The following STIL variants were observed in gnomAD, a reference collection of about 807,000 sequenced individuals.
STIL encodes SCL-interrupting locus protein.
STIL carries 55 observed loss-of-function variants against 110.1 expected under a neutral mutation model. The ratio of observed to expected loss-of-function variants is 0.50; its 90% CI spans 0.40 to 0.63. The LOEUF is 0.63. STIL is among the 20% of genes least tolerant of loss of function. STIL has a pLI of 0.00. For missense variants in STIL, 1,358 were observed against 1,530.0 expected (o/e 0.89, Z 1.87); for synonymous variants, 481 against 530.0 (o/e 0.91, Z 1.27).
intron 7 of STIL, among the ~76,000 whole-genome samples, chr1:47,294,431 T>C (rs1412005741): frequency 6.6e-6 from 1 of 152,238 alleles, no homozygotes; most frequent in Admixed American, 6.5e-5. Context: ...TATAAATTTC[T>C]AAATATTCTG....
intron 2 of STIL, among the ~76,000 whole-genome samples, chr1:47,310,019 CTTTAG>C (rs1394579621): frequency 6.6e-6 from 1 of 152,108 alleles, no homozygotes; most frequent in Non-Finnish European, 1.5e-5. Context: ...ATACTAGACC[CTTTAG>C]TTTAGTAATC....
chr1:47,255,550 C>CAA (rs60137249), intron 16 of STIL, among the ~76,000 whole-genome samples: 48,742 of 123,174 alleles, frequency 0.4, 11,060 homozygotes, highest in Middle Eastern at 0.53. Flanking sequence ...CCCTGTCTCT[C>CAA]AAAAAAAAAA....
intron 14 of STIL, among the ~76,000 whole-genome samples, chr1:47,263,543 A>G (rs1005374430): frequency 3.3e-5 from 5 of 152,160 alleles, no homozygotes; most frequent in African/African-American, 9.7e-5. Context: ...CCCTATTTCT[A>G]TAAGAAACAA....
At chr1:47,287,939 A>C (rs1259125680) in intron 9 of STIL, among the ~76,000 whole-genome samples, 1 of 151,462 alleles carries the variant, frequency 6.6e-6, no homozygotes, top group Non-Finnish European at 1.5e-5. Context: ...ATTAGATCTC[A>C]GTTAAAATGA....
rs142123413 is a variant in STIL at position 47,311,905 on chromosome 1, G to A, written c.-43-1543C>T. On this transcript the variant is annotated intron_variant, in intron 1 of 16. Transcript: ENST00000371877. ...CTACTAAAAATACAAAAATTAGCTG[G>A]GCATGGTGGTGCACACCTGTAATCC... is the stretch of plus-strand genomic sequence containing the variant. Among the ~76,000 whole-genome samples the A allele has an allele frequency of 1.5e-3, 227 of 151,978 alleles. 1 individual carries two copies. The highest frequency in any genetic ancestry group is 5.2e-3 in the African/African-American group (217 of 41,434).
At chr1:47,288,133 T>C (rs1403215140) in intron 9 of STIL, among the ~76,000 whole-genome samples, 1 of 149,660 alleles carries the variant, frequency 6.7e-6, no homozygotes, top group East Asian at 1.9e-4. Context: ...TCAAAGAAGG[T>C]ACTAAATACG....
intron 14 of STIL, among the ~76,000 whole-genome samples, chr1:47,266,262 T>C (rs918955354): frequency 6.6e-6 from 1 of 152,258 alleles, no homozygotes. Flanking sequence ...GTCTTAACCA[T>C]TATTGTAATC....
chr1:47,258,146 G>A (rs1397821280), intron 16 of STIL, among the ~76,000 whole-genome samples: 2 of 152,186 alleles, frequency 1.3e-5, no homozygotes, highest in African/African-American at 2.4e-5. Flanking sequence ...GTGACAAGTT[G>A]GTTCTCAGTT....
chr1:47,307,435 T>A (rs1181204874), intron 2 of STIL, among the ~76,000 whole-genome samples: 1 of 152,228 alleles, frequency 6.6e-6, no homozygotes, highest in Non-Finnish European at 1.5e-5. Flanking sequence ...TTGTAATTTC[T>A]TATGCCTGTC....
rs1645416083 is a variant in STIL, at chr1:47,289,584, C to T, written c.874G>A (p.Val292Ile). Residue 292 changes from valine to isoleucine, a missense_variant and splice_region_variant, in exon 9 of 17, where the codon GTT becomes ATT. Transcript: ENST00000371877. ...ATGAAATTTCCAGATTCTGAAAAAA[C>T]CCTGCACAAAAAAAGTCATTTAATT... ...YIFNSSVQER[V>I]FSESGNFIIV... The T allele has an allele frequency of 1.9e-6, 3 of 1,612,806 alleles. No homozygotes were observed. Among genetic ancestry groups the T allele is most frequent in the Non-Finnish European group, 2.5e-6 (3 of 1,179,084 alleles).
intron 14 of STIL, among the ~76,000 whole-genome samples, chr1:47,268,702 G>C (rs562561267): frequency 1.1e-4 from 16 of 152,074 alleles, no homozygotes; most frequent in African/African-American, 3.9e-4. Flanking sequence ...GGATTGCAGT[G>C]AGTCAAGATC....
At chr1:47,303,971 C>T (rs1645879849) in intron 3 of STIL, among the ~76,000 whole-genome samples, 3 of 152,110 alleles carry the variant, frequency 2.0e-5, no homozygotes, top group African/African-American at 7.2e-5. Context: ...ATTCCAGGCA[C>T]TGTGACAATT....
chr1:47,260,414 A>G lies in STIL; in HGVS notation c.2955T>C (p.His985=), dbSNP rs373910001. 2.5e-6 allele frequency: 4 copies of G among 1,614,016 alleles called. No individual in the cohort carries two copies. The African/African-American group carries it at 5.3e-5, about 22-fold the overall frequency. ...QNVYHTKKKT[H]HSRLVDKDCV... is the part of the protein sequence containing the mutation. Reference sequence around the variant, plus strand: ...AATCTTTGTCCACCAGTCTTGAATGATGTGTTTTTTTCTTTGTATGGTAAA... The same window carrying G: ...AATCTTTGTCCACCAGTCTTGAATGGTGTGTTTTTTTCTTTGTATGGTAAA... The change falls in exon 16 of 17, where the codon CAT becomes CAC. Residue 985 remains histidine, a synonymous_variant. Transcript: ENST00000371877.
Position 47,262,970 on chromosome 1 carries a change from A to G in STIL, c.2762T>C (p.Ile921Thr), listed in dbSNP as rs1257886941. ...AAGCAAGGGTTGCATTACATGCTCA[A>G]TTTTTGGTTCCTCTGATGTTTCAGA... Reference protein sequence around the residue: ...NNSETSEEPKIEHVMQPLLHQ... With the variant: ...NNSETSEEPKTEHVMQPLLHQ... Residue 921 changes from isoleucine to threonine, a missense_variant, in exon 15 of 17, where the codon ATT becomes ACT. Transcript: ENST00000371877. 1 of 1,614,152 alleles carries G rather than the reference A, an allele frequency of 6.2e-7. No individual in the cohort carries two copies. Among genetic ancestry groups the G allele is most frequent in the African/African-American group, 1.3e-5 (1 of 75,034 alleles).
chr1:47,257,104 T>C (rs1644351902), intron 16 of STIL, among the ~76,000 whole-genome samples: 1 of 152,030 alleles, frequency 6.6e-6, no homozygotes, highest in South Asian at 2.1e-4. Flanking sequence ...GCACCTCAGA[T>C]AAAAGTAACA....
rs1342973663 is a variant in STIL, at chr1:47,300,297, C to T, written c.454-145G>A. The T allele has an allele frequency of 7.2e-6, 6 of 829,008 alleles. No homozygotes were observed. In the Admixed American group the frequency reaches 9.0e-5, roughly 12 times the overall value. The allele number at this position is 829,008 out of a possible 1,614,324, so 51.4% of individuals were successfully genotyped here. On this transcript the variant is annotated intron_variant, in intron 5 of 16. Transcript: ENST00000371877. ...TTCTGATTTACAGCATTTCAGTTCTCGTTTATTCCATGTGACCAAAAGATT... is the reference window on the plus strand; with the variant it reads ...TTCTGATTTACAGCATTTCAGTTCTTGTTTATTCCATGTGACCAAAAGATT...
intron 8 of STIL, among the ~76,000 whole-genome samples, chr1:47,293,214 C>A (rs999703009): frequency 1.3e-5 from 2 of 152,096 alleles, no homozygotes; most frequent in Admixed American, 1.3e-4. Context: ...TTTCCACCCC[C>A]AAAAGGTTTG....
At position 47,265,157 on chromosome 1, in the gene STIL, A is replaced by T. The variant is rs1455623312; in HGVS notation, c.2616-2041T>A. 2.8e-5 allele frequency among the ~76,000 whole-genome samples: 4 copies of T among 141,496 alleles called. 1 individual carries two copies. In the East Asian group the frequency reaches 8.6e-4, roughly 30 times the overall value. 92.8% of individuals were successfully genotyped at this position (141,496 alleles called of 152,430 possible). A position where few individuals can be genotyped will look rare whatever the true frequency, so the allele number is the denominator to read the frequency against. ...AGGCTGAGGCAGAAGGATCTCCGGA[A>T]CCCAGGAGGTGGAGGTTGCAGTGAA... On this transcript the variant is annotated intron_variant, in intron 14 of 16. Coordinates refer to ENST00000371877, the MANE Select transcript of STIL (RefSeq NM_001048166.1).
chr1:47,288,470 T>C (rs1195965474), intron 9 of STIL, among the ~76,000 whole-genome samples: 2 of 152,056 alleles, frequency 1.3e-5, no homozygotes, highest in Non-Finnish European at 2.9e-5. Context: ...CTAATTTTTG[T>C]ATTTTTAGTA....
Sources: gnomAD v4.1 joint callset for allele counts (sites outside exome capture counted in the v4.1 genomes callset) on GRCh38, gnomAD v4.1.1 for gene constraint, MANE v1.5 for transcripts, NCBI Gene and HGNC (gene_info 2026-07-23, HGNC 2026-07-21) for gene names.